The following GALNT17 variants were observed in gnomAD, a reference collection of about 807,000 sequenced individuals.
GALNT17 encodes UDP-GalNAc:polypeptide N-acetylgalactosaminyltransferase-like 3.
GALNT17 carries 29 observed loss-of-function variants against 63.7 expected under a neutral mutation model. The observed-to-expected ratio is 0.46, with a 90% CI of 0.34 to 0.62. GALNT17 has a LOEUF of 0.62. Among genes scored for constraint, GALNT17 ranks in the 20% least tolerant of loss-of-function variants. The pLI is 0.01. For synonymous variants in GALNT17, 305 were observed against 318.3 expected, an observed-to-expected ratio of 0.96 and a Z score of 0.45; for missense variants, 603 against 799.6, an observed-to-expected ratio of 0.75 and a Z score of 2.97.
At chr7:71,334,888 C>G (rs11760742) in intron 1 of GALNT17, among the ~76,000 whole-genome samples, 47,294 of 152,152 alleles carry the variant, frequency 0.31, 7,989 homozygotes, top group Non-Finnish European at 0.38. Flanking sequence ...ACTTTCTGTT[C>G]AAATGAAGCA....
intron 1 of GALNT17, among the ~76,000 whole-genome samples, chr7:71,143,600 C>A (rs1216052904): frequency 6.6e-6 from 1 of 151,946 alleles, no homozygotes; most frequent in East Asian, 1.9e-4. Context: ...GGAGGCTGGA[C>A]TGGGCCAGGT....
At chr7:71,394,684 C>A (rs73700929) in intron 3 of GALNT17, among the ~76,000 whole-genome samples, 1 of 152,046 alleles carries the variant, frequency 6.6e-6, no homozygotes, top group Non-Finnish European at 1.5e-5. Context: ...TGGAGGAATT[C>A]GGGTGCACAG....
At chr7:71,137,139 C>CTTT (rs398005145) in intron 1 of GALNT17, among the ~76,000 whole-genome samples, 6,560 of 117,282 alleles carry the variant, frequency 0.056, 386 homozygotes, top group South Asian at 0.12. Flanking sequence ...ATATTTTTGA[C>CTTT]TTTTTTTTTT....
At chr7:71,431,281 A>G (rs868317164) in intron 5 of GALNT17, among the ~76,000 whole-genome samples, 1 of 141,866 alleles carries the variant, frequency 7.0e-6, no homozygotes, top group Non-Finnish European at 1.5e-5. Context: ...TGTGATCTCA[A>G]CTCACTGCAA....
chr7:71,498,300 A>T (rs1178592845), intron 5 of GALNT17, among the ~76,000 whole-genome samples: 2 of 151,922 alleles, frequency 1.3e-5, no homozygotes, highest in East Asian at 3.9e-4. Context: ...ACATGGTGAG[A>T]CCCCCGTCTC....
chr7:71,371,533 T>C (rs2116275503), intron 2 of GALNT17, among the ~76,000 whole-genome samples: 1 of 152,324 alleles, frequency 6.6e-6, no homozygotes, highest in African/African-American at 2.4e-5. Context: ...GTGTAAGATC[T>C]TTCACTCTTT....
At chr7:71,509,949 A>T (rs74823940) in intron 5 of GALNT17, among the ~76,000 whole-genome samples, 3 of 150,502 alleles carry the variant, frequency 2.0e-5, no homozygotes, top group South Asian at 2.1e-4. Context: ...AAAGTGTACA[A>T]TTTTTTTTTT....
intron 1 of GALNT17, among the ~76,000 whole-genome samples, chr7:71,293,923 G>A (rs1791029229): frequency 1.3e-5 from 2 of 152,254 alleles, no homozygotes; most frequent in East Asian, 1.9e-4. Flanking sequence ...ACTTTGGGAG[G>A]CCAAGATGGG....
rs147036905 is a variant in GALNT17, at chr7:71,328,253, A to G, written c.239-7297A>G. 7.4e-3 allele frequency among the ~76,000 whole-genome samples: 1,125 copies of G among 152,310 alleles called. 13 individuals are homozygous for G. The highest frequency in any genetic ancestry group is 0.025 in the African/African-American group (1,046 of 41,568). On this transcript the variant is annotated intron_variant, in intron 1 of 10. Transcript: ENST00000333538. ...TGTCTTTGCCATTACTTTTAGTGGCAAAAACGACAATTAGTTTTGCACCAA... is the reference window on the plus strand; with the variant it reads ...TGTCTTTGCCATTACTTTTAGTGGCGAAAACGACAATTAGTTTTGCACCAA...
At chr7:71,463,407 T>C (rs895739695) in intron 5 of GALNT17, among the ~76,000 whole-genome samples, 7 of 152,038 alleles carry the variant, frequency 4.6e-5, no homozygotes, top group African/African-American at 1.7e-4. Flanking sequence ...TGGGCCAGAG[T>C]GCAGCCTGAT....
intron 2 of GALNT17, among the ~76,000 whole-genome samples, chr7:71,381,023 C>T (rs1182010805): frequency 1.3e-5 from 2 of 151,464 alleles, no homozygotes; most frequent in African/African-American, 2.4e-5. Flanking sequence ...TGCAGAGGCG[C>T]GATATTGACT....
At chr7:71,411,630 C>T (rs1411485117) in intron 3 of GALNT17, among the ~76,000 whole-genome samples, 1 of 152,168 alleles carries the variant, frequency 6.6e-6, no homozygotes, top group Non-Finnish European at 1.5e-5. Context: ...CCACCAGAGC[C>T]AGGCTTCCTG....
chr7:71,581,501 A>T (rs1276817575), intron 6 of GALNT17, among the ~76,000 whole-genome samples: 2 of 152,132 alleles, frequency 1.3e-5, no homozygotes, highest in Non-Finnish European at 2.9e-5. Flanking sequence ...ACTCACTATC[A>T]TAAGAACAGC....
At chr7:71,371,777 G>A (rs990272273) in intron 2 of GALNT17, among the ~76,000 whole-genome samples, 1 of 152,142 alleles carries the variant, frequency 6.6e-6, no homozygotes. Context: ...TTGGAAGGGA[G>A]ACGTGCACTA....
At chr7:71,237,200 G>A (rs192606704) in intron 1 of GALNT17, among the ~76,000 whole-genome samples, 21 of 152,264 alleles carry the variant, frequency 1.4e-4, no homozygotes, top group Admixed American at 3.3e-4. Context: ...TATTGTCTCC[G>A]TATGTAATGC....
chr7:71,319,848 G>T (rs780904919), intron 1 of GALNT17, among the ~76,000 whole-genome samples: 4 of 152,150 alleles, frequency 2.6e-5, no homozygotes, highest in African/African-American at 4.8e-5. Flanking sequence ...TTTCAGCTGG[G>T]CTTGGTTCTA....
intron 6 of GALNT17, among the ~76,000 whole-genome samples, chr7:71,641,214 C>T (rs1790598336): frequency 6.6e-6 from 1 of 152,132 alleles, no homozygotes; most frequent in African/African-American, 2.4e-5. Flanking sequence ...TCTTCTTACA[C>T]TTCTTGGGGT....
intron 5 of GALNT17, among the ~76,000 whole-genome samples, chr7:71,477,116 C>T (rs971260313): frequency 6.6e-6 from 1 of 152,148 alleles, no homozygotes; most frequent in Non-Finnish European, 1.5e-5. Flanking sequence ...AGTGATACTA[C>T]TACTACTAAT....
chr7:71,453,610 A>G (rs1787305623), intron 5 of GALNT17, among the ~76,000 whole-genome samples: 1 of 152,208 alleles, frequency 6.6e-6, no homozygotes. Flanking sequence ...TGGGAGCTAC[A>G]ATTCAAGATG....
Sources: allele counts gnomAD v4.1 joint callset (sites outside exome capture counted in the v4.1 genomes callset), GRCh38; gene constraint gnomAD v4.1.1; transcripts MANE v1.5; gene names NCBI Gene and HGNC (gene_info 2026-07-23, HGNC 2026-07-21).